PARVB: variants seen among roughly 807,000 people sequenced by gnomAD.
PARVB encodes the protein beta-parvin.
A neutral mutation model predicts 47.0 loss-of-function variants in PARVB; 46 were observed. That is an observed-to-expected ratio of 0.98 (90% CI 0.77 to 1.25). PARVB has a LOEUF of 1.25. PARVB is among the 50% of genes most tolerant of loss of function. The probability of loss-of-function intolerance (pLI) is 0.00; values close to 1 mark genes in which losing one functional copy is unlikely to be tolerated. For synonymous variants in PARVB, 196 were observed against 196.3 expected (o/e 1.00, Z 0.01); for missense variants, 473 against 471.6 (o/e 1.00, Z -0.03).
intron 3 of PARVB, among the ~76,000 whole-genome samples, chr22:44,117,525 C>A (rs2052936828): frequency 6.6e-6 from 1 of 152,170 alleles, no homozygotes; most frequent in African/African-American, 2.4e-5. Flanking sequence ...TGGTGCTGTG[C>A]CCTGACCTTC....
chr22:44,027,465 G>A (rs1277373195), intron 1 of PARVB, among the ~76,000 whole-genome samples: 3 of 152,188 alleles, frequency 2.0e-5, no homozygotes, highest in Non-Finnish European at 4.4e-5. Flanking sequence ...GACCTCAGGC[G>A]CCACTGCCCA....
At chr22:44,152,311 A>G (rs2147151623) in intron 10 of PARVB, 1 of 151,930 alleles carries the variant, frequency 6.6e-6, no homozygotes, top group East Asian at 1.9e-4. Flanking sequence ...CACCATGCCC[A>G]GCTAATTTTT....
intron 1 of PARVB, among the ~76,000 whole-genome samples, chr22:44,082,611 G>A (rs1236932637): frequency 1.3e-5 from 2 of 152,200 alleles, no homozygotes; most frequent in Non-Finnish European, 1.5e-5. Flanking sequence ...TGTCTCTAAA[G>A]AATGTGTCCT....
intron 5 of PARVB, 27 bp from the exon 6 acceptor site, chr22:44,132,867 C>T (rs780301606): frequency 1.1e-5 from 16 of 1,508,844 alleles, no homozygotes; most frequent in Middle Eastern, 1.7e-4. Flanking sequence ...TGATCTAAAG[C>T]GTCTCCCTTC....
At chr22:44,053,207 C>T (rs1278119339) in intron 1 of PARVB, among the ~76,000 whole-genome samples, 2 of 151,836 alleles carry the variant, frequency 1.3e-5, no homozygotes, top group Non-Finnish European at 2.9e-5. Flanking sequence ...CCTCAGCCTC[C>T]CGAGTAGCTG....
chr22:44,092,610 G>A (rs971205442), intron 1 of PARVB, among the ~76,000 whole-genome samples: 4 of 152,058 alleles, frequency 2.6e-5, no homozygotes, highest in African/African-American at 9.7e-5. Flanking sequence ...TGTCCCAAGA[G>A]CCCATCATGT....
intron 1 of PARVB, among the ~76,000 whole-genome samples, chr22:44,054,748 G>A (rs2051273068): frequency 6.7e-6 from 1 of 149,338 alleles, no homozygotes; most frequent in Non-Finnish European, 1.5e-5. Flanking sequence ...CAGCACTTTG[G>A]GAAGTCGAGG....
chr22:44,104,430 C>T (rs1330832963), intron 3 of PARVB: 1 of 152,478 alleles, frequency 6.6e-6, no homozygotes, highest in African/African-American at 2.4e-5. Flanking sequence ...TATTAGTTCT[C>T]ACTGACTATA....
rs143586149 is a variant in PARVB at position 44,028,068 on chromosome 22, C to T, written c.112+3617C>T. On this transcript the variant is annotated intron_variant, in intron 1 of 12. Transcript: ENST00000338758. ...CTATCCCTTCTCACCTCCATCAGTG[C>T]CCCCCGGCTGTGTGGTAGAGTCGTG... Among the ~76,000 whole-genome samples the T allele has an allele frequency of 3.1e-3, 464 of 152,028 alleles. 1 individual carries two copies. The highest frequency in any genetic ancestry group is 0.011 in the African/African-American group (443 of 41,476).
In PARVB at chr22:44,049,938, T is replaced by A. The variant is rs2051177860; in HGVS notation, c.112+25487T>A. Among the ~76,000 whole-genome samples, 1 of 152,220 alleles carries A rather than the reference T, an allele frequency of 6.6e-6. No homozygotes were observed. The highest frequency in any genetic ancestry group is 2.4e-5 in the African/African-American group (1 of 41,446). The stretch of plus-strand genomic sequence containing the variant: ...AATAAGCCCCATGCCTACTTGAGTT[T>A]GGGGTTTCTGTTTTACCTACACTTC... On this transcript the variant is annotated intron_variant, in intron 1 of 12. Coordinates refer to ENST00000338758, the MANE Select transcript of PARVB (RefSeq NM_013327.5). This position sits in a 1 kb window ranked among gnomAD's most constrained non-coding sequence, Gnocchi z 4.0.
rs769276683 is a variant in PARVB at position 44,119,062 on chromosome 22, G to A, written c.298G>A (p.Val100Met). The A allele has an allele frequency of 1.9e-5, 30 of 1,614,030 alleles. No individual in the cohort carries two copies. The highest frequency in any genetic ancestry group is 1.7e-4 in the Middle Eastern group (1 of 6,060). The change falls in exon 4 of 13, where the codon GTG becomes ATG. Residue 100 changes from valine (V) to methionine (M), a missense_variant. By Grantham distance (21) the Val-to-Met change is conservative. Coordinates refer to ENST00000338758, the MANE Select transcript of PARVB (RefSeq NM_013327.5). ...GGTCCTCCTCGACTGGATTAATGAC[G>A]TGCTGGTGGAGGAGAGGATCATTGT... ...VKVLLDWINDVLVEERIIVKQ... is the reference protein window; with the variant it reads ...VKVLLDWINDMLVEERIIVKQ...
Position 44,167,333 on chromosome 22 carries a change from C to A in PARVB, c.1019-1269C>A, listed in dbSNP as rs548938462. Among the ~76,000 whole-genome samples the A allele has an allele frequency of 7.2e-5, 11 of 152,224 alleles. No individual in the cohort carries two copies. In the South Asian group the frequency reaches 2.3e-3, roughly 32 times the overall value. ...AGAAGGTGATTCCTATCCCTGGGCG[C>A]AGGTGCTAAGGGGTGGCTGTGGTTA... On this transcript the variant is annotated intron_variant, in intron 12 of 12. Transcript: ENST00000338758.
chr22:44,062,605 C>T (rs1364459153), intron 1 of PARVB, among the ~76,000 whole-genome samples: 3 of 151,692 alleles, frequency 2.0e-5, no homozygotes, highest in Non-Finnish European at 2.9e-5. Context: ...CCACTGCACT[C>T]CAGCCTGAGC....
At chr22:44,042,448 A>C (rs949208307) in intron 1 of PARVB, among the ~76,000 whole-genome samples, 2 of 152,178 alleles carry the variant, frequency 1.3e-5, no homozygotes, top group African/African-American at 2.4e-5. Flanking sequence ...GGAACTGTAG[A>C]GGCTCATCTC....
chr22:44,066,795 C>CCTCCTT (rs2051537241), intron 1 of PARVB, among the ~76,000 whole-genome samples: 5 of 140,240 alleles, frequency 3.6e-5, no homozygotes, highest in African/African-American at 1.4e-4. Context: ...TCCTCCTCCT[C>CCTCCTT]CTCCTCCTCC....
chr22:44,053,502 T>C (rs1199195511), intron 1 of PARVB, among the ~76,000 whole-genome samples: 1 of 152,230 alleles, frequency 6.6e-6, no homozygotes, highest in Non-Finnish European at 1.5e-5. Context: ...GTAGCGGGGA[T>C]GCCTGGGAAA....
At chr22:44,058,332 T>G (rs1179931619) in intron 1 of PARVB, among the ~76,000 whole-genome samples, 1 of 152,058 alleles carries the variant, frequency 6.6e-6, no homozygotes, top group African/African-American at 2.4e-5. Context: ...GTCACTCCAG[T>G]CAGCCTCCAT....
intron 1 of PARVB, among the ~76,000 whole-genome samples, chr22:44,032,167 G>A (rs73888821): frequency 0.021 from 3,165 of 152,298 alleles, 89 homozygotes; most frequent in East Asian, 0.093. Flanking sequence ...GAAGTGTTCT[G>A]TGGCTTTGCA....
intron 12 of PARVB, among the ~76,000 whole-genome samples, chr22:44,164,138 T>C (rs1011232395): frequency 7.2e-5 from 11 of 152,198 alleles, no homozygotes; most frequent in Admixed American, 2.6e-4. Context: ...GCAGTGCCGG[T>C]TCTTTAATAA....
Sources: allele counts gnomAD v4.1 joint callset (sites outside exome capture counted in the v4.1 genomes callset), GRCh38; gene constraint gnomAD v4.1.1; non-coding constraint Gnocchi (gnomAD v3.1); transcripts MANE v1.5; gene names NCBI Gene and HGNC (gene_info 2026-07-23, HGNC 2026-07-21).